TNPO3: variants seen among roughly 807,000 people sequenced by gnomAD.
TNPO3 encodes transportin-3.
Under a neutral mutation model 122.8 loss-of-function variants are expected in TNPO3, and 65 were observed. The ratio of observed to expected loss-of-function variants is 0.53; its 90% confidence interval spans 0.43 to 0.65. TNPO3 has a LOEUF of 0.65. Ranked by LOEUF, TNPO3 falls within the 30% of genes least tolerant of loss-of-function variation. The probability of loss-of-function intolerance (pLI) is 0.00; values close to 1 mark genes in which losing one functional copy is unlikely to be tolerated. For synonymous variants in TNPO3, 372 were observed against 411.2 expected (o/e 0.90, Z 1.15); for missense variants, 850 against 1,136.7 (o/e 0.75, Z 3.63).
At chr7:129,027,594 A>AAC (rs1805396560) in intron 1 of TNPO3, among the ~76,000 whole-genome samples, 1 of 93,542 alleles carries the variant, frequency 1.1e-5, no homozygotes, top group East Asian at 2.7e-4. Flanking sequence ...AAAAAAAACA[A>AAC]CACAAAAAAT....
intron 21 of TNPO3, among the ~76,000 whole-genome samples, chr7:128,962,207 T>G (rs1214005308): frequency 6.7e-6 from 1 of 150,224 alleles, no homozygotes; most frequent in African/African-American, 2.5e-5. Flanking sequence ...CTACTAAAAA[T>G]ACAAAAAATT....
chr7:128,979,612 C>A (rs768386435), intron 15 of TNPO3, among the ~76,000 whole-genome samples: 9 of 152,094 alleles, frequency 5.9e-5, no homozygotes, highest in South Asian at 2.1e-4. Flanking sequence ...CCTCACATAA[C>A]CTTCAGTGAA....
At chr7:129,014,949 G>A (rs1450388168) in intron 4 of TNPO3, 30 bp downstream of exon 4, 8 of 1,539,788 alleles carry the variant, frequency 5.2e-6, no homozygotes, top group Non-Finnish European at 7.0e-6. Flanking sequence ...CTGCCTTTAT[G>A]CAGCAACTTA....
At chr7:128,977,092 T>C (rs890043071) in intron 16 of TNPO3, among the ~76,000 whole-genome samples, 4 of 152,148 alleles carry the variant, frequency 2.6e-5, no homozygotes, top group African/African-American at 9.7e-5. Context: ...AAAACAAAAA[T>C]AGGTGGCAAG....
At chr7:128,956,322 G>A (rs1796893067) in intron 22 of TNPO3, among the ~76,000 whole-genome samples, 1 of 152,180 alleles carries the variant, frequency 6.6e-6, no homozygotes, top group African/African-American at 2.4e-5. Context: ...AACTCACCTT[G>A]AGACATCAAA....
At chr7:128,996,480 A>T (rs1272598056) in intron 8 of TNPO3, among the ~76,000 whole-genome samples, 4 of 152,118 alleles carry the variant, frequency 2.6e-5, no homozygotes, top group Non-Finnish European at 4.4e-5. Flanking sequence ...GCGGTGGCTC[A>T]CACCTGTAAT....
intron 1 of TNPO3, among the ~76,000 whole-genome samples, chr7:129,036,006 T>C (rs1806622588): frequency 6.9e-6 from 1 of 145,222 alleles, no homozygotes; most frequent in Non-Finnish European, 1.5e-5. Flanking sequence ...CAGGCAGGAA[T>C]GCAGTGGTGT....
intron 19 of TNPO3, among the ~76,000 whole-genome samples, chr7:128,971,839 T>C (rs1798523440): frequency 6.6e-6 from 1 of 152,228 alleles, no homozygotes. Flanking sequence ...ATTCCAACTC[T>C]TTTTGGTCTA....
chr7:129,035,578 T>G (rs746392353), intron 1 of TNPO3, among the ~76,000 whole-genome samples: 7 of 151,974 alleles, frequency 4.6e-5, no homozygotes, highest in Non-Finnish European at 1.0e-4. Context: ...ATCACACCAT[T>G]GCACTCCAGC....
chr7:128,969,290 T>C (rs1262445032), intron 20 of TNPO3, among the ~76,000 whole-genome samples: 4 of 152,168 alleles, frequency 2.6e-5, no homozygotes, highest in African/African-American at 9.7e-5. Context: ...GCTCAAAAAG[T>C]ACTTTTCTTT....
intron 4 of TNPO3, among the ~76,000 whole-genome samples, chr7:129,009,686 A>T (rs1802970223): frequency 6.6e-6 from 1 of 152,230 alleles, no homozygotes; most frequent in Non-Finnish European, 1.5e-5. Context: ...TTTTAAATTC[A>T]CAAGTGCTTA....
At position 129,025,581 on chromosome 7, in the gene TNPO3, CT is replaced by C. The variant is rs1805052119; in HGVS notation, c.121-7425del. Among the ~76,000 whole-genome samples, 5 of 151,936 alleles carry C rather than the reference CT, an allele frequency of 3.3e-5. No homozygotes were observed. In the South Asian group the frequency reaches 1.0e-3, roughly 32 times the overall value. Reference sequence around the variant, plus strand: ...TGGCCAGTAAAGTTCTATTTCTTTTCTTTTTTTATAAAAATGGGACAGGGTC... The same window carrying C: ...TGGCCAGTAAAGTTCTATTTCTTTTCTTTTTTATAAAAATGGGACAGGGTC... On this transcript the variant is annotated intron_variant, in intron 1 of 22. Transcript: ENST00000265388.
chr7:128,967,821 T>C (rs527671924), intron 20 of TNPO3, among the ~76,000 whole-genome samples: 45 of 152,264 alleles, frequency 3.0e-4, no homozygotes, highest in African/African-American at 8.9e-4. Context: ...TGGCGTGCAG[T>C]GCACTGCAGC....
At chr7:129,032,274 T>C (rs996160174) in intron 1 of TNPO3, among the ~76,000 whole-genome samples, 5 of 152,174 alleles carry the variant, frequency 3.3e-5, no homozygotes, top group Non-Finnish European at 7.3e-5. Flanking sequence ...AAAAAGCTTT[T>C]CAAAACTGTA....
intron 21 of TNPO3, among the ~76,000 whole-genome samples, chr7:128,962,597 T>A (rs1269508216): frequency 6.6e-6 from 1 of 152,210 alleles, no homozygotes; most frequent in African/African-American, 2.4e-5. Context: ...ACAGGCATTC[T>A]AGAGGAAGAG....
chr7:128,982,146 G>T (rs1445743178), intron 14 of TNPO3, 102 bp downstream of exon 14: 1 of 948,816 alleles, frequency 1.1e-6, no homozygotes, highest in South Asian at 1.6e-5. Flanking sequence ...AACATAGGGA[G>T]ATACTTGGAA....
intron 21 of TNPO3, among the ~76,000 whole-genome samples, chr7:128,958,297 C>T (rs1179949277): frequency 6.6e-6 from 1 of 152,076 alleles, no homozygotes; most frequent in African/African-American, 2.4e-5. Context: ...GTGCCCACCA[C>T]CACGCCCGAC....
intron 1 of TNPO3, among the ~76,000 whole-genome samples, chr7:129,034,894 C>CA (rs1219082555): frequency 0.041 from 1,951 of 47,634 alleles, 105 homozygotes; most frequent in African/African-American, 0.12. Flanking sequence ...GACTCTGTCT[C>CA]AAAAAAAAAA....
chr7:129,040,431 T>C (rs534300168), intron 1 of TNPO3, among the ~76,000 whole-genome samples: 3 of 152,068 alleles, frequency 2.0e-5, no homozygotes, highest in East Asian at 1.9e-4. Flanking sequence ...GTCAGAATAG[T>C]GGTTATGGGA....
Sources: gnomAD v4.1 joint callset for allele counts (sites outside exome capture counted in the v4.1 genomes callset) on GRCh38, gnomAD v4.1.1 for gene constraint, MANE v1.5 for transcripts, NCBI Gene and HGNC (gene_info 2026-07-23, HGNC 2026-07-21) for gene names.